COL24A1: variants seen among roughly 807,000 people sequenced by gnomAD.
COL24A1 encodes the protein collagen alpha-1(XXIV) chain.
A neutral mutation model predicts 253.9 loss-of-function variants in COL24A1; 224 were observed. That is an observed-to-expected ratio of 0.88 (90% confidence interval 0.79 to 0.99). The LOEUF (loss-of-function observed/expected upper bound fraction) is 0.99. Among genes scored for constraint, COL24A1 ranks in the 50% least tolerant of loss-of-function variants. COL24A1 has a pLI of 0.00. For missense variants in COL24A1, 2,131 were observed against 2,068.5 expected, an observed-to-expected ratio of 1.03 and a Z score of -0.59; for synonymous variants, 685 against 673.7, an observed-to-expected ratio of 1.02 and a Z score of -0.26.
Position 86,146,195 on chromosome 1 carries a change from A to G in COL24A1, c.57-12T>C, listed in dbSNP as rs1161362787. The G allele has an allele frequency of 1.2e-6, 2 of 1,607,544 alleles. No individual in the cohort carries two copies. Among genetic ancestry groups the G allele is most frequent in the African/African-American group, 1.3e-5 (1 of 74,618 alleles). On this transcript the variant is annotated splice_polypyrimidine_tract_variant and intron_variant, in intron 1 of 59. Transcript: ENST00000370571. Reference sequence around the variant, plus strand: ...GAAGAAGTGATTTCCTAGGAAAAGAAAAAAGCATTTGGGAAAAACTTACTA... The same window carrying G: ...GAAGAAGTGATTTCCTAGGAAAAGAGAAAAGCATTTGGGAAAAACTTACTA...
chr1:86,097,488 T>C (rs1482700255), intron 5 of COL24A1, among the ~76,000 whole-genome samples: 1 of 19,194 alleles, frequency 5.2e-5, no homozygotes, highest in African/African-American at 1.7e-4. Flanking sequence ...CTCCTCCTCC[T>C]CCCTCCTCCT....
chr1:86,109,734 A>T (rs1357419270), intron 5 of COL24A1, among the ~76,000 whole-genome samples: 1 of 151,968 alleles, frequency 6.6e-6, no homozygotes, highest in Non-Finnish European at 1.5e-5. Flanking sequence ...TCTTCCCCCA[A>T]CCTCTGTCAT....
intron 3 of COL24A1, among the ~76,000 whole-genome samples, chr1:86,115,848 G>A (rs1571973222): frequency 6.6e-6 from 1 of 152,120 alleles, no homozygotes; most frequent in East Asian, 1.9e-4. Context: ...GTGTTAAACT[G>A]TTATAATGAA....
intron 47 of COL24A1, among the ~76,000 whole-genome samples, chr1:85,809,392 C>T (rs971222804): frequency 6.6e-6 from 1 of 152,158 alleles, no homozygotes; most frequent in Non-Finnish European, 1.5e-5. Context: ...AAACTATAAA[C>T]TAAATTCTTC....
rs748487373 is a variant in COL24A1, at chr1:86,156,349, C to T, written c.48G>A (p.Thr16=). The T allele has an allele frequency of 3.7e-6, 6 of 1,612,516 alleles. No homozygotes were observed. In the East Asian group the frequency reaches 1.1e-4, roughly 30 times the overall value. The change falls in exon 1 of 60, where the codon ACG becomes ACA. Residue 16 remains threonine, a synonymous_variant. Transcript: ENST00000370571. ...HRTRRGKVSP[T]AKTKSLLHFI... is the part of the protein sequence containing the mutation. ...GCGGGTGGGCTACTTACGTTTTTGCCGTGGGGGAGACTTTTCCACGCCTTG... is the reference window on the plus strand; with the variant it reads ...GCGGGTGGGCTACTTACGTTTTTGCTGTGGGGGAGACTTTTCCACGCCTTG...
chr1:85,971,397 T>C lies in COL24A1; in HGVS notation c.2365-4A>G. ...GTCCTCTATTTCCAAGGAGTCCCTA[T>C]AAAAGCAATATAAATGCACACAATA... On this transcript the variant is annotated splice_region_variant and splice_polypyrimidine_tract_variant and intron_variant, in intron 20 of 59. Transcript: ENST00000370571. The C allele has an allele frequency of 1.2e-6, 2 of 1,607,306 alleles. No individual in the cohort carries two copies. The highest frequency in any genetic ancestry group is 1.7e-5 in the Admixed American group (1 of 59,032).
intron 43 of COL24A1, among the ~76,000 whole-genome samples, chr1:85,825,178 G>T (rs868124681): frequency 4.0e-5 from 6 of 150,056 alleles, no homozygotes; most frequent in African/African-American, 9.8e-5. Flanking sequence ...GCGGTGTTTG[G>T]TTTTTTGTTC....
At chr1:85,973,702 C>A (rs1451906448) in intron 20 of COL24A1, among the ~76,000 whole-genome samples, 1 of 152,148 alleles carries the variant, frequency 6.6e-6, no homozygotes, top group Non-Finnish European at 1.5e-5. Context: ...CTAACTCTCT[C>A]ATTGAAGCTA....
chr1:85,849,949 G>A (rs935041675), intron 37 of COL24A1, among the ~76,000 whole-genome samples: 2 of 152,048 alleles, frequency 1.3e-5, no homozygotes, highest in Admixed American at 6.6e-5. Context: ...TGTCTAGTAC[G>A]TGGTCAAAGA....
chr1:86,097,124 A>C (rs938323818), intron 5 of COL24A1, among the ~76,000 whole-genome samples: 3 of 151,062 alleles, frequency 2.0e-5, no homozygotes, highest in Non-Finnish European at 3.0e-5. Flanking sequence ...TACAGTAAAC[A>C]TACTTTAAGT....
chr1:85,811,128 T>C (rs187636532), intron 47 of COL24A1, among the ~76,000 whole-genome samples: 2 of 152,340 alleles, frequency 1.3e-5, no homozygotes, highest in South Asian at 2.1e-4. Flanking sequence ...TGTCAGACTT[T>C]CATTCCTTTT....
intron 12 of COL24A1, among the ~76,000 whole-genome samples, chr1:86,037,185 T>A (rs1699099571): frequency 6.6e-6 from 1 of 152,208 alleles, no homozygotes; most frequent in Admixed American, 6.5e-5. Context: ...TTATTTCCAG[T>A]GATCAGTGTG....
intron 24 of COL24A1, among the ~76,000 whole-genome samples, chr1:85,917,931 C>A (rs1324105171): frequency 6.6e-6 from 1 of 152,140 alleles, no homozygotes; most frequent in East Asian, 1.9e-4. Context: ...TGGTCTCGAA[C>A]TCCTGACCTC....
intron 47 of COL24A1, among the ~76,000 whole-genome samples, chr1:85,800,916 A>T (rs1671358308): frequency 6.6e-6 from 1 of 152,204 alleles, no homozygotes; most frequent in Admixed American, 6.5e-5. Context: ...AGGGATTTTT[A>T]AATTAAAAAA....
intron 20 of COL24A1, among the ~76,000 whole-genome samples, chr1:85,987,132 C>T (rs482789): frequency 0.52 from 79,108 of 151,508 alleles, 21,040 homozygotes; most frequent in Admixed American, 0.58. Context: ...GTTTCAATAA[C>T]GGTAATAAGC....
rs1394887633 is a variant in COL24A1, at chr1:86,024,069, A to G, written c.2050-1062T>C. 2.0e-5 allele frequency among the ~76,000 whole-genome samples: 3 copies of G among 151,908 alleles called. No homozygotes were observed. The East Asian group carries it at 5.8e-4, about 29-fold the overall frequency. On this transcript the variant is annotated intron_variant, in intron 14 of 59. Coordinates refer to ENST00000370571, the MANE Select transcript of COL24A1 (RefSeq NM_152890.7). ...GCCCTCTCTATTAGGCTTCCATCAA[A>G]CTTTCCAGTCTCCTTTCCTTCCATT...
intron 53 of COL24A1, among the ~76,000 whole-genome samples, chr1:85,774,467 C>G (rs1570557343): frequency 2.0e-5 from 3 of 152,232 alleles, no homozygotes; most frequent in South Asian, 4.1e-4. Flanking sequence ...CCTTGTACCT[C>G]TAGTAGAATT....
intron 55 of COL24A1, among the ~76,000 whole-genome samples, chr1:85,755,758 T>C (rs189139374): frequency 9.7e-4 from 147 of 152,166 alleles, no homozygotes; most frequent in African/African-American, 3.3e-3. Flanking sequence ...TCAAAATGAA[T>C]CAAAGACTTG....
intron 37 of COL24A1, among the ~76,000 whole-genome samples, chr1:85,861,953 A>G (rs1297075293): frequency 3.3e-5 from 5 of 152,024 alleles, no homozygotes; most frequent in African/African-American, 4.8e-5. Flanking sequence ...TGCTTCATCT[A>G]TCTTGAAGGA....
Sources: gnomAD v4.1 joint callset for allele counts (sites outside exome capture counted in the v4.1 genomes callset) on GRCh38, gnomAD v4.1.1 for gene constraint, MANE v1.5 for transcripts, NCBI Gene and HGNC (gene_info 2026-07-23, HGNC 2026-07-21) for gene names.